Variants in NPAS3 observed in about 807,000 individuals in gnomAD.
NPAS3 encodes neuronal PAS domain-containing protein 3.
A neutral mutation model predicts 73.1 loss-of-function variants in NPAS3; 14 were observed. The observed-to-expected ratio is 0.19, with a 90% CI of 0.13 to 0.30. The LOEUF is 0.30. Ranked by LOEUF, NPAS3 falls within the 10% of genes least tolerant of loss-of-function variation. The pLI is 1.00. For synonymous variants in NPAS3, 620 were observed against 541.5 expected (o/e 1.14, Z -2.01); for missense variants, 1,096 against 1,250.0 (o/e 0.88, Z 1.86).
chr14:33,523,938 C>A (rs2053675215), intron 4 of NPAS3, among the ~76,000 whole-genome samples: 1 of 152,154 alleles, frequency 6.6e-6, no homozygotes, highest in Non-Finnish European at 1.5e-5. Context: ...TATGGAGGCC[C>A]TTGAGTGTCA....
intron 2 of NPAS3, among the ~76,000 whole-genome samples, chr14:33,117,294 T>G (rs2043100164): frequency 6.6e-6 from 1 of 152,010 alleles, no homozygotes; most frequent in Non-Finnish European, 1.5e-5. Context: ...TGACTGGGGA[T>G]CATAGTCAAA....
intron 5 of NPAS3, 25 bp from the exon 6 acceptor site, chr14:33,676,186 T>C (rs1338798458): frequency 1.3e-5 from 21 of 1,612,418 alleles, no homozygotes; most frequent in Non-Finnish European, 1.8e-5. Context: ...TGTCTTTCCT[T>C]CCCACCCTTT....
chr14:33,038,554 A>AT (rs2040247285), intron 1 of NPAS3, among the ~76,000 whole-genome samples: 1 of 150,610 alleles, frequency 6.6e-6, no homozygotes, highest in Non-Finnish European at 1.5e-5. Context: ...TATATATATA[A>AT]AATGATATAA....
chr14:33,595,710 G>A (rs190769768), intron 5 of NPAS3, among the ~76,000 whole-genome samples: 3 of 152,152 alleles, frequency 2.0e-5, no homozygotes, highest in African/African-American at 4.8e-5. Context: ...TGGCCCTGTC[G>A]TCCAGGCTGG....
chr14:33,779,452 T>C (rs2062916425), intron 9 of NPAS3, among the ~76,000 whole-genome samples: 1 of 152,162 alleles, frequency 6.6e-6, no homozygotes, highest in African/African-American at 2.4e-5. Context: ...CCCCTATCCA[T>C]GTCCCTGGAA....
At chr14:33,238,868 G>A (rs1220129132) in intron 3 of NPAS3, among the ~76,000 whole-genome samples, 2 of 151,872 alleles carry the variant, frequency 1.3e-5, no homozygotes, top group Non-Finnish European at 2.9e-5. Flanking sequence ...TGGAATGTCT[G>A]GTAATTTAGT....
chr14:33,223,989 A>G (rs766490822), intron 3 of NPAS3, among the ~76,000 whole-genome samples: 1 of 152,172 alleles, frequency 6.6e-6, no homozygotes, highest in Non-Finnish European at 1.5e-5. Flanking sequence ...CTAGCACTTC[A>G]TATACTTTTT....
At chr14:33,662,197 G>A (rs2059327693) in intron 5 of NPAS3, among the ~76,000 whole-genome samples, 1 of 152,208 alleles carries the variant, frequency 6.6e-6, no homozygotes, top group South Asian at 2.1e-4. Context: ...GAAATGCGCA[G>A]CTAGACAAGG....
At chr14:33,686,688 A>G (rs1004235231) in intron 6 of NPAS3, among the ~76,000 whole-genome samples, 3 of 152,174 alleles carry the variant, frequency 2.0e-5, no homozygotes, top group Non-Finnish European at 4.4e-5. Flanking sequence ...GATAGTAGGT[A>G]GACGGTCTAG....
chr14:33,105,738 A>T (rs1307114788), intron 2 of NPAS3, among the ~76,000 whole-genome samples: 1 of 151,604 alleles, frequency 6.6e-6, no homozygotes, highest in Non-Finnish European at 1.5e-5. Flanking sequence ...TACATATTGA[A>T]CATATATCGT....
chr14:33,123,801 C>A (rs1221985162), intron 2 of NPAS3, among the ~76,000 whole-genome samples: 1 of 151,280 alleles, frequency 6.6e-6, no homozygotes. Flanking sequence ...CAATTAGTGT[C>A]AATGAGTTGA....
chr14:33,306,811 C>G (rs536081773), intron 3 of NPAS3, among the ~76,000 whole-genome samples: 179 of 152,204 alleles, frequency 1.2e-3, no homozygotes, highest in African/African-American at 4.0e-3. Flanking sequence ...TTTGTGTTTG[C>G]CCCTCATTCT....
At chr14:33,795,321 A>C (rs2063480518) in intron 10 of NPAS3, among the ~76,000 whole-genome samples, 1 of 152,020 alleles carries the variant, frequency 6.6e-6, no homozygotes, top group Admixed American at 6.6e-5. Flanking sequence ...ATGTGTATTG[A>C]GTGTGGCTTT....
At chr14:33,626,201 T>C (rs539633543) in intron 5 of NPAS3, among the ~76,000 whole-genome samples, 2 of 152,296 alleles carry the variant, frequency 1.3e-5, no homozygotes, top group African/African-American at 2.4e-5. Flanking sequence ...TGAATACGAA[T>C]CTACAAACAT....
intron 3 of NPAS3, among the ~76,000 whole-genome samples, chr14:33,365,255 C>T (rs1476690223): frequency 1.5e-5 from 2 of 133,110 alleles, no homozygotes; most frequent in African/African-American, 5.7e-5. Context: ...GGATCATTCA[C>T]ACCAAGCTAC....
At chr14:33,145,215 G>GTA (rs894637321) in intron 2 of NPAS3, among the ~76,000 whole-genome samples, 14 of 152,122 alleles carry the variant, frequency 9.2e-5, no homozygotes, top group South Asian at 4.1e-4. Flanking sequence ...ATATGAACGT[G>GTA]TATATGTATG....
At chr14:33,293,508 A>C (rs543161567) in intron 3 of NPAS3, among the ~76,000 whole-genome samples, 5 of 152,228 alleles carry the variant, frequency 3.3e-5, no homozygotes, top group Non-Finnish European at 7.3e-5. Flanking sequence ...TGATTTCAAA[A>C]GAGGGGAAAG....
Position 33,746,171 on chromosome 14 carries a change from T to TTTA in NPAS3, c.852+10841_852+10842insATT, listed in dbSNP as rs747188281. 3.6e-3 allele frequency among the ~76,000 whole-genome samples: 513 copies of TTTA among 144,454 alleles called. 2 individuals are homozygous for TTTA. Among genetic ancestry groups the TTTA allele is most frequent in the African/African-American group, 0.012 (475 of 39,300 alleles). 94.8% of individuals were successfully genotyped at this position (144,454 alleles called of 152,430 possible). On this transcript the variant is annotated intron_variant, in intron 7 of 11. Coordinates refer to ENST00000356141, the Ensembl canonical transcript of NPAS3. ...TATTGACTCATTCTTTTTTATTTTA[T>TTTA]TTTATTTATTTATTTATTTATTTAT...
chr14:33,129,181 C>A (rs1056811547), intron 2 of NPAS3, among the ~76,000 whole-genome samples: 3 of 152,022 alleles, frequency 2.0e-5, no homozygotes, highest in Non-Finnish European at 4.4e-5. Context: ...TAATCTGTAG[C>A]GTGCTTCTCA....
Sources: allele counts gnomAD v4.1 joint callset (sites outside exome capture counted in the v4.1 genomes callset), GRCh38; gene constraint gnomAD v4.1.1; transcripts MANE v1.5; gene names NCBI Gene and HGNC (gene_info 2026-07-23, HGNC 2026-07-21).